The following GBP7 variants were observed in gnomAD, a reference collection of about 807,000 sequenced individuals.
GBP7 encodes guanylate binding protein 7.
A neutral mutation model predicts 61.3 loss-of-function variants in GBP7; 43 were observed. The ratio of observed to expected loss-of-function variants is 0.70; its 90% CI spans 0.55 to 0.91. The LOEUF (loss-of-function observed/expected upper bound fraction) is 0.91, where lower values mean the gene tolerates loss of function less well. Ranked by LOEUF, GBP7 falls within the 40% of genes least tolerant of loss-of-function variation. GBP7 has a pLI of 0.00. For synonymous variants in GBP7, 267 were observed against 271.0 expected (o/e 0.99, Z 0.14); for missense variants, 717 against 740.5 (o/e 0.97, Z 0.37).
At chr1:89,154,493 C>A (rs568998001) in intron 3 of GBP7, among the ~76,000 whole-genome samples, 2 of 152,146 alleles carry the variant, frequency 1.3e-5, no homozygotes, top group African/African-American at 4.8e-5. Flanking sequence ...ATCACAGGCA[C>A]CTGCCATCAT....
chr1:89,150,327 C>T lies in GBP7; in HGVS notation c.871+3G>A, dbSNP rs778395723. The T allele has an allele frequency of 6.2e-7, 1 of 1,612,284 alleles. No homozygotes were observed. The highest frequency in any genetic ancestry group is 2.2e-5 in the East Asian group (1 of 44,820). On this transcript the variant is annotated splice_donor_region_variant and intron_variant, in intron 6 of 10. Coordinates refer to ENST00000294671, the MANE Select transcript of GBP7 (RefSeq NM_207398.3). ...AAACACCCATATAGGGAAATAGACT[C>T]ACGGTTTCCAGTGACAAGGATTCCC...
chr1:89,150,562 T>C lies in GBP7; in HGVS notation c.639A>G (p.Gln213=), dbSNP rs1278277318. 1 of 1,613,472 alleles carries C rather than the reference T, an allele frequency of 6.2e-7. No individual in the cohort carries two copies. Among genetic ancestry groups the C allele is most frequent in the African/African-American group, 1.3e-5 (1 of 74,860 alleles). Residue 213 remains glutamine (Q), a synonymous_variant, in exon 6 of 11, where the codon CAA becomes CAG. Coordinates refer to ENST00000294671, the MANE Select transcript of GBP7 (RefSeq NM_207398.3). The part of the protein sequence containing the change: ...ALKLISGKNP[Q]IQNSNKPREW... ...CCCTGGGCTTGTTAGAATTTTGGATTTGGGGATTCTTGCCTGCAGAATTAG... is the reference window on the plus strand; with the variant it reads ...CCCTGGGCTTGTTAGAATTTTGGATCTGGGGATTCTTGCCTGCAGAATTAG...
At chr1:89,133,475 G>A in intron 9 of GBP7, 24 bp from the exon 10 acceptor site, 1 of 1,605,830 alleles carries the variant, frequency 6.2e-7, no homozygotes, top group Non-Finnish European at 8.5e-7. Flanking sequence ...GTTTTACAGA[G>A]GGAAGAAAAT....
At chr1:89,142,297 A>C (rs1681974194) in intron 8 of GBP7, among the ~76,000 whole-genome samples, 1 of 152,158 alleles carries the variant, frequency 6.6e-6, no homozygotes, top group Admixed American at 6.5e-5. Flanking sequence ...TCACTCTGTC[A>C]CCCAAGCACA....
chr1:89,156,432 C>T (rs575967903), intron 3 of GBP7, among the ~76,000 whole-genome samples: 1 of 152,220 alleles, frequency 6.6e-6, no homozygotes, highest in East Asian at 1.9e-4. Flanking sequence ...AGACAAGACC[C>T]ATCAGTGTGC....
intron 9 of GBP7, among the ~76,000 whole-genome samples, chr1:89,134,904 G>A (rs115153782): frequency 1.4e-3 from 211 of 152,248 alleles, no homozygotes; most frequent in African/African-American, 4.8e-3. Context: ...GAAGATTATC[G>A]ATATTTAGGA....
chr1:89,143,874 G>A lies in GBP7; in HGVS notation c.1366-2226C>T, dbSNP rs1682008697. On this transcript the variant is annotated intron_variant, in intron 8 of 10. Coordinates refer to ENST00000294671, the MANE Select transcript of GBP7 (RefSeq NM_207398.3). ...TTACAATTCAATATGAGGTTTGAGTGGAGACAAATAGCCCAACTTGATCAA... is the reference window on the plus strand; with the variant it reads ...TTACAATTCAATATGAGGTTTGAGTAGAGACAAATAGCCCAACTTGATCAA... Among the ~76,000 whole-genome samples, 3 of 152,286 alleles carry A rather than the reference G, an allele frequency of 2.0e-5. No individual in the cohort carries two copies. The South Asian group carries it at 6.2e-4, about 32-fold the overall frequency.
chr1:89,147,239 G>A (rs1450096336), intron 8 of GBP7, among the ~76,000 whole-genome samples: 1 of 152,084 alleles, frequency 6.6e-6, no homozygotes, highest in South Asian at 2.1e-4. Flanking sequence ...TCCATCTTGT[G>A]TAAAATCGTA....
At chr1:89,150,696 T>C in intron 5 of GBP7, 121 bp from the exon 6 acceptor site, 5 of 1,031,468 alleles carry the variant, frequency 4.8e-6, no homozygotes, top group Non-Finnish European at 2.9e-6. Flanking sequence ...ATCTACTCTA[T>C]GTAATCAAAC....
intron 2 of GBP7, among the ~76,000 whole-genome samples, chr1:89,168,807 AC>A: frequency 6.6e-6 from 1 of 151,924 alleles, no homozygotes; most frequent in South Asian, 2.1e-4. Flanking sequence ...AACAACAACA[AC>A]AACAAAAAAC....
intron 1 of GBP7, among the ~76,000 whole-genome samples, chr1:89,173,736 ACAT>A (rs1647665824): frequency 6.6e-6 from 1 of 152,260 alleles, no homozygotes; most frequent in Admixed American, 6.5e-5. Context: ...GGCCTCCTTC[ACAT>A]CTTGGTATCT....
At chr1:89,166,978 C>A (rs1375313256) in intron 2 of GBP7, among the ~76,000 whole-genome samples, 6 of 152,148 alleles carry the variant, frequency 3.9e-5, no homozygotes, top group Non-Finnish European at 5.9e-5. Context: ...TTAAACTTTC[C>A]CACGTCTCAA....
At chr1:89,152,979 C>T (rs1682240272) in intron 3 of GBP7, among the ~76,000 whole-genome samples, 1 of 152,134 alleles carries the variant, frequency 6.6e-6, no homozygotes, top group African/African-American at 2.4e-5. Flanking sequence ...AGAAAAAGCA[C>T]CTAAACATCT....
chr1:89,165,333 C>T (rs1647394211), intron 2 of GBP7, among the ~76,000 whole-genome samples: 1 of 151,958 alleles, frequency 6.6e-6, no homozygotes, highest in African/African-American at 2.4e-5. Context: ...AATCCTGTCT[C>T]TACTAAAATA....
chr1:89,150,656 A>G (rs1682174213), intron 5 of GBP7, 81 bp from the exon 6 acceptor site: 3 of 1,382,714 alleles, frequency 2.2e-6, no homozygotes, highest in Non-Finnish European at 3.0e-6. Context: ...AGTTCCTTCC[A>G]TCAATCACTA....
chr1:89,153,578 A>C (rs184559577), intron 3 of GBP7, among the ~76,000 whole-genome samples: 1 of 152,336 alleles, frequency 6.6e-6, no homozygotes, highest in African/African-American at 2.4e-5. Context: ...AGCTATGTAC[A>C]AAATGCAGAT....
In GBP7 at chr1:89,141,625, G is replaced by A; in HGVS notation, c.1389C>T (p.Phe463=). The A allele has an allele frequency of 1.2e-6, 2 of 1,613,804 alleles. No individual in the cohort carries two copies. Among genetic ancestry groups the A allele is most frequent in the Non-Finnish European group, 1.7e-6 (2 of 1,179,786 alleles). ...GVKADEVLQS[F]LQSQVVIEES... ...CCTCTATAACCACCTGTGACTGCAG[G>A]AAGCTCTGGAGGACCTCGTCTGCCT... Residue 463 remains phenylalanine, a synonymous_variant, in exon 9 of 11, where the codon TTC becomes TTT. Transcript: ENST00000294671.
In GBP7 at chr1:89,171,791, T is replaced by G. The variant is rs1647606357; in HGVS notation, c.145A>C (p.Thr49Pro). Reference sequence around the variant, plus strand: ...TTGTTCATTAGGTAGGATTTGCCTGTGCGGTAGAGGCCCACAATTGCCACC... The same window carrying G: ...TTGTTCATTAGGTAGGATTTGCCTGGGCGGTAGAGGCCCACAATTGCCACC... ...VVVAIVGLYR[T>P]GKSYLMNKLA... is the part of the protein sequence containing the mutation. The change falls in exon 2 of 11, where the codon ACA becomes CCA. Residue 49 changes from threonine (T) to proline (P), a missense_variant. This residue lies in a region of GBP7 where 387 missense variants were observed against 385.2 expected (regional missense o/e 1.00). Transcript: ENST00000294671. 1 of 1,613,438 alleles carries G rather than the reference T, an allele frequency of 6.2e-7. No individual in the cohort carries two copies. Among genetic ancestry groups the G allele is most frequent in the Admixed American group, 1.7e-5 (1 of 59,930 alleles).
chr1:89,146,302 A>G (rs563151095), intron 8 of GBP7, among the ~76,000 whole-genome samples: 28 of 152,334 alleles, frequency 1.8e-4, no homozygotes, highest in African/African-American at 5.5e-4. Flanking sequence ...AGATTTGAAC[A>G]TAAGACCAGA....
Sources: gnomAD v4.1 joint callset for allele counts (sites outside exome capture counted in the v4.1 genomes callset) on GRCh38, gnomAD v4.1.1 for gene constraint, gnomAD v4.1.1 regional missense constraint, MANE v1.5 for transcripts, NCBI Gene and HGNC (gene_info 2026-07-23, HGNC 2026-07-21) for gene names.